NFIB: variants seen among roughly 807,000 people sequenced by gnomAD.
The protein encoded by NFIB is nuclear factor 1 B-type.
A neutral mutation model predicts 61.5 loss-of-function variants in NFIB; 11 were observed. The observed-to-expected ratio is 0.18, with a 90% CI of 0.11 to 0.30. The LOEUF is 0.30. Among genes scored for constraint, NFIB ranks in the 10% least tolerant of loss-of-function variants. The pLI is 1.00. For missense variants in NFIB, 471 were observed against 608.9 expected, an observed-to-expected ratio of 0.77 and a Z score of 2.38; for synonymous variants, 260 against 216.5, an observed-to-expected ratio of 1.20 and a Z score of -1.76.
At chr9:14,492,324 C>T in the NFIB span, among the ~76,000 whole-genome samples, 5 of 151,784 alleles carry the variant, frequency 3.3e-5, no homozygotes, top group East Asian at 5.8e-4. Context: ...GATCACGCCA[C>T]TGCACTCCAG....
intron 3 of NFIB, among the ~76,000 whole-genome samples, chr9:14,171,012 G>C (rs938571007): frequency 1.3e-5 from 2 of 152,280 alleles, no homozygotes; most frequent in African/African-American, 4.8e-5. Context: ...GTAAAGTTAA[G>C]GAAAGTTTGA....
At chr9:14,184,472 G>A (rs1012324270) in intron 2 of NFIB, among the ~76,000 whole-genome samples, 2 of 147,012 alleles carry the variant, frequency 1.4e-5, no homozygotes, top group South Asian at 2.4e-4. Context: ...ACTAATTGAC[G>A]TTTTAAAGAG....
At chr9:14,128,472 T>C (rs1041937643) in intron 6 of NFIB, among the ~76,000 whole-genome samples, 1 of 151,278 alleles carries the variant, frequency 6.6e-6, no homozygotes, top group African/African-American at 2.4e-5. Flanking sequence ...CTAAGGCGGG[T>C]GGATCGCCTG....
chr9:14,378,781 G>C lies in NFIB; in HGVS notation c.108+19743C>G, dbSNP rs138317124. On this transcript the variant is annotated intron_variant, in intron 1 of 8. Coordinates refer to the NFIB transcript ENST00000380934. ...GAAGAAAAAAATGAGGTAAGCATAG[G>C]ACCGTGATTGTTACCTGGAGGGACC... Among the ~76,000 whole-genome samples the C allele has an allele frequency of 3.6e-3, 542 of 152,270 alleles. 4 individuals are homozygous for C. The highest frequency in any genetic ancestry group is 5.6e-3 in the Non-Finnish European group (384 of 68,030).
intron 2 of NFIB, chr9:14,180,641 A>G (rs576305797): frequency 6.6e-6 from 1 of 152,112 alleles, no homozygotes; most frequent in Non-Finnish European, 1.5e-5. Flanking sequence ...CATTTGCCCC[A>G]TATTATTATA....
the NFIB span, among the ~76,000 whole-genome samples, chr9:14,463,144 TATTTTG>T: frequency 7.6e-5 from 5 of 65,624 alleles, no homozygotes; most frequent in East Asian, 1.8e-3. Context: ...ATAAAATAAT[TATTTTG>T]ATTGTTTTAT....
intron 1 of NFIB, among the ~76,000 whole-genome samples, chr9:14,319,567 A>G (rs1435507616): frequency 1.3e-5 from 2 of 152,244 alleles, no homozygotes; most frequent in African/African-American, 2.4e-5. Context: ...TAGCTGACCT[A>G]TAAAGTAAAA....
At position 14,224,420 on chromosome 9, in the gene NFIB, T is replaced by G. The variant is rs566027828; in HGVS notation, c.563-44640A>C. On this transcript the variant is annotated intron_variant, in intron 2 of 10. Transcript: ENST00000380953. ...AAATCAAGGTGTAGAGGATCACAGT[T>G]GGATGTTCTGCCCTATCTTAGTCTC... Among the ~76,000 whole-genome samples the G allele has an allele frequency of 9.8e-5, 15 of 152,326 alleles. No homozygotes were observed. In the South Asian group the frequency reaches 2.9e-3, roughly 30 times the overall value.
intron 1 of NFIB, among the ~76,000 whole-genome samples, chr9:14,334,633 A>G (rs2060863338): frequency 6.6e-6 from 1 of 152,154 alleles, no homozygotes; most frequent in Non-Finnish European, 1.5e-5. Context: ...TTTGAGGCTT[A>G]CAATTCCACT....
the NFIB span, among the ~76,000 whole-genome samples, chr9:14,498,375 C>T: frequency 6.6e-6 from 1 of 152,202 alleles, no homozygotes; most frequent in East Asian, 1.9e-4. Context: ...AGTTTACCAA[C>T]AAATAGCTCT....
At chr9:14,349,569 A>T (rs1313737087) in intron 1 of NFIB, among the ~76,000 whole-genome samples, 2 of 152,070 alleles carry the variant, frequency 1.3e-5, no homozygotes, top group East Asian at 1.9e-4. Context: ...AGGGAAGAAA[A>T]GACTTGATCT....
At chr9:14,146,484 C>T (rs577063859) in intron 6 of NFIB, among the ~76,000 whole-genome samples, 5 of 152,098 alleles carry the variant, frequency 3.3e-5, no homozygotes, top group South Asian at 2.1e-4. Flanking sequence ...AAAACTCCAA[C>T]GAAACATGTA....
chr9:14,527,077 T>C, the NFIB span, among the ~76,000 whole-genome samples: 61 of 152,322 alleles, frequency 4.0e-4, no homozygotes, highest in East Asian at 9.1e-3. Flanking sequence ...GAAAGTATCT[T>C]GGAAGAAGAT....
chr9:14,312,221 T>A (rs1208071495), intron 1 of NFIB, among the ~76,000 whole-genome samples: 1 of 152,236 alleles, frequency 6.6e-6, no homozygotes, highest in Non-Finnish European at 1.5e-5. Flanking sequence ...CATTCACAAT[T>A]TATGAATGCC....
At chr9:14,344,419 G>A (rs988717131) in intron 1 of NFIB, among the ~76,000 whole-genome samples, 24 of 151,440 alleles carry the variant, frequency 1.6e-4, no homozygotes, top group Admixed American at 5.9e-4. Flanking sequence ...GAAGGGGGGG[G>A]TAGAGGGAGT....
At chr9:14,397,520 T>A (rs1412497655) in intron 1 of NFIB, among the ~76,000 whole-genome samples, 1 of 151,780 alleles carries the variant, frequency 6.6e-6, no homozygotes, top group East Asian at 1.9e-4. Flanking sequence ...AATAAAAGTA[T>A]CCCTTTATCC....
the NFIB span, among the ~76,000 whole-genome samples, chr9:14,467,516 C>A: frequency 3.3e-5 from 5 of 152,126 alleles, no homozygotes; most frequent in Non-Finnish European, 7.3e-5. Flanking sequence ...ACAGCTCTTA[C>A]TGGGGTGAAG....
At chr9:14,228,021 C>T (rs1244784506) in intron 2 of NFIB, among the ~76,000 whole-genome samples, 3 of 152,084 alleles carry the variant, frequency 2.0e-5, no homozygotes, top group Admixed American at 2.0e-4. Flanking sequence ...ATTTACTCTT[C>T]CTTTAATCAG....
intron 2 of NFIB, among the ~76,000 whole-genome samples, chr9:14,283,620 C>T (rs2058523291): frequency 6.6e-6 from 1 of 152,140 alleles, no homozygotes; most frequent in Admixed American, 6.5e-5. Context: ...GTTGATTTGG[C>T]CTGAGCCATC....
Sources: gnomAD v4.1 joint callset for allele counts (sites outside exome capture counted in the v4.1 genomes callset) on GRCh38, gnomAD v4.1.1 for gene constraint, MANE v1.5 for transcripts, NCBI Gene and HGNC (gene_info 2026-07-23, HGNC 2026-07-21) for gene names.